The following BTN2A1 variants were observed in gnomAD, a reference collection of about 807,000 sequenced individuals.
BTN2A1 encodes the protein butyrophilin, subfamily 2, member A1.
Under a neutral mutation model 34.5 loss-of-function variants are expected in BTN2A1, and 41 were observed. That is an observed-to-expected ratio of 1.19 (90% confidence interval 0.93 to 1.54). The LOEUF is 1.54. Among genes scored for constraint, BTN2A1 ranks in the 40% most tolerant of loss-of-function variants. BTN2A1 has a pLI of 0.00. For synonymous variants in BTN2A1, 267 were observed against 258.6 expected (o/e 1.03, Z -0.31); for missense variants, 642 against 662.0 (o/e 0.97, Z 0.33).
Position 26,468,267 on chromosome 6 carries a change from G to A in BTN2A1, c.1302G>A (p.Val434=), listed in dbSNP as rs1763375867. The change falls in exon 8 of 8, where the codon GTG becomes GTA. Residue 434 remains valine, a synonymous_variant. Transcript: ENST00000312541. ...TGCATAAAGGGCAATACCGGGCCGTGTCCTCCCCTGATAGGATTCTCCCTT... is the reference window on the plus strand; with the variant it reads ...TGCATAAAGGGCAATACCGGGCCGTATCCTCCCCTGATAGGATTCTCCCTT... ...LEMHKGQYRA[V]SSPDRILPLK... 1.2e-6 allele frequency: 2 copies of A among 1,614,220 alleles called. No individual in the cohort carries two copies. The highest frequency in any genetic ancestry group is 1.7e-6 in the Non-Finnish European group (2 of 1,180,046).
chr6:26,458,191 TG>T (rs1287529603), intron 1 of BTN2A1, 49 bp downstream of exon 1: 4 of 170,882 alleles, frequency 2.3e-5, no homozygotes, highest in Admixed American at 1.8e-4. Flanking sequence ...GCACAGTAGG[TG>T]GGGGAAGCGG....
At chr6:26,467,814 C>T in intron 7 of BTN2A1, 134 bp from the exon 8 acceptor site, 2 of 1,558,204 alleles carry the variant, frequency 1.3e-6, no homozygotes, top group Non-Finnish European at 1.7e-6. Context: ...TGCCTAGGAT[C>T]AGAGAGCCTT....
At chr6:26,461,907 G>A (rs1363940821) in intron 3 of BTN2A1, among the ~76,000 whole-genome samples, 1 of 152,140 alleles carries the variant, frequency 6.6e-6, no homozygotes, top group Non-Finnish European at 1.5e-5. Context: ...TGTAGTCTCA[G>A]CTACTTGGGA....
Position 26,465,249 on chromosome 6 carries a change from G to A in BTN2A1, c.777G>A (p.Met259Ile). The A allele has an allele frequency of 6.2e-7, 1 of 1,614,062 alleles. No individual in the cohort carries two copies. Among genetic ancestry groups the A allele is most frequent in the Non-Finnish European group, 8.5e-7 (1 of 1,179,980 alleles). The change falls in exon 5 of 8, where the codon ATG (methionine) becomes ATA (isoleucine). Residue 259 changes from methionine to isoleucine, a missense_variant. By Grantham distance (10) the Met-to-Ile change is conservative (BLOSUM62 1). Transcript: ENST00000312541. The part of the protein sequence containing the change: ...VALPIIVVIL[M>I]IPIAVCIYWI... Reference sequence around the variant, plus strand: ...TGCCTATCATTGTGGTTATTCTGATGATACCCATTGCCGTATGCATCTATT... The same window carrying A: ...TGCCTATCATTGTGGTTATTCTGATAATACCCATTGCCGTATGCATCTATT...
downstream of BTN2A1, among the ~76,000 whole-genome samples, chr6:26,473,282 G>C (rs1297634314): frequency 6.6e-6 from 1 of 152,110 alleles, no homozygotes; most frequent in Non-Finnish European, 1.5e-5. Flanking sequence ...CTACCCAAAG[G>C]TTAACCTTAG....
downstream of BTN2A1, among the ~76,000 whole-genome samples, chr6:26,471,225 T>G (rs1353633051): frequency 6.6e-6 from 1 of 152,250 alleles, no homozygotes; most frequent in African/African-American, 2.4e-5. Context: ...TGTTTTAGTC[T>G]GCCCAGACAG....
chr6:26,458,573 A>T, intron 1 of BTN2A1, 34 bp from the exon 2 acceptor site: 4 of 1,580,364 alleles, frequency 2.5e-6, no homozygotes, highest in Non-Finnish European at 3.5e-6. Context: ...TGAGGTGCCA[A>T]GACTCCTAGG....
At chr6:26,475,020 C>G (rs1763515179) in intron 7 of BTN2A1, among the ~76,000 whole-genome samples, 1 of 152,186 alleles carries the variant, frequency 6.6e-6, no homozygotes, top group South Asian at 2.1e-4. Context: ...ACCTTGGCCT[C>G]CCAAAGTGCT....
At chr6:26,471,663 A>AAAGG (rs71745841), downstream of BTN2A1, among the ~76,000 whole-genome samples, 1,356 of 151,608 alleles carry the variant, frequency 8.9e-3, 17 homozygotes, top group Middle Eastern at 0.034. Context: ...GGAAGGAAGG[A>AAAGG]AAGGAAGGAA....
rs752221487 is a variant in BTN2A1 at position 26,459,848 on chromosome 6, TTTG to T, written c.430+23_430+25del. 1.4e-5 allele frequency: 23 copies of T among 1,598,394 alleles called. 1 individual carries two copies. The highest frequency in any genetic ancestry group is 1.3e-4 in the South Asian group (12 of 89,306). ...TGGCAGGTGCGTCGCTTCATTTTGC[TTTG>T]TTACTTTGGCACAGTGTGACTTTGG... On this transcript the variant is annotated intron_variant, in intron 3 of 7. Transcript: ENST00000312541.
intron 2 of BTN2A1, 36 bp downstream of exon 2, chr6:26,458,754 A>G (rs568723410): frequency 1.2e-5 from 20 of 1,605,648 alleles, no homozygotes; most frequent in East Asian, 2.2e-5. Context: ...GTCACCTATC[A>G]GAAAGGAACA....
chr6:26,467,208 G>A (rs552506968), intron 7 of BTN2A1, among the ~76,000 whole-genome samples: 5 of 152,140 alleles, frequency 3.3e-5, no homozygotes, highest in East Asian at 1.9e-4. Context: ...TTGATCCACC[G>A]GGGAGAGGAG....
At chr6:26,469,764 A>G (rs1331300609), downstream of BTN2A1, 1 of 152,190 alleles carries the variant, frequency 6.6e-6, no homozygotes, top group African/African-American at 2.4e-5. Context: ...ACTTTATCCT[A>G]GTGACAGAAT....
chr6:26,472,405 C>G (rs1312666979), downstream of BTN2A1, among the ~76,000 whole-genome samples: 2 of 152,172 alleles, frequency 1.3e-5, no homozygotes, highest in Non-Finnish European at 2.9e-5. Flanking sequence ...ATTGAACAAG[C>G]AGCCAGCCAA....
intron 7 of BTN2A1, among the ~76,000 whole-genome samples, chr6:26,474,697 A>G (rs1328650041): frequency 1.3e-5 from 2 of 152,010 alleles, no homozygotes; most frequent in Non-Finnish European, 2.9e-5. Context: ...ACCTGAATAG[A>G]GAAACCTTCC....
downstream of BTN2A1, among the ~76,000 whole-genome samples, chr6:26,469,831 C>T (rs1253310370): frequency 6.6e-6 from 1 of 152,086 alleles, no homozygotes; most frequent in African/African-American, 2.4e-5. Context: ...GATTATTAAC[C>T]TTGCAGGCCC....
intron 2 of BTN2A1, among the ~76,000 whole-genome samples, 174 bp downstream of exon 2, chr6:26,458,892 C>T (rs1351469595): frequency 1.3e-5 from 2 of 152,158 alleles, no homozygotes; most frequent in East Asian, 3.9e-4. Context: ...GGCACAAAGG[C>T]CGAGTGCATG....
In BTN2A1 at chr6:26,459,731, C is replaced by T; in HGVS notation, c.333C>T (p.Val111=). The change falls in exon 3 of 8, where the codon GTC becomes GTT. Residue 111 remains valine (V), a synonymous_variant. Coordinates refer to ENST00000312541, the MANE Select transcript of BTN2A1 (RefSeq NM_007049.5). Reference sequence around the variant, plus strand: ...TCAGCAGGGGCAGCGTGGCCCTGGTCATACACAACATCACAGCCCAGGAAA... The same window carrying T: ...TCAGCAGGGGCAGCGTGGCCCTGGTTATACACAACATCACAGCCCAGGAAA... The part of the protein sequence containing the change: ...KDISRGSVAL[V]IHNITAQENG... 1 of 1,614,162 alleles carries T rather than the reference C, an allele frequency of 6.2e-7. No individual in the cohort carries two copies. Among genetic ancestry groups the T allele is most frequent in the Non-Finnish European group, 8.5e-7 (1 of 1,180,008 alleles).
chr6:26,468,716 C>T lies in BTN2A1; in HGVS notation c.*167C>T, dbSNP rs758734283. ...CTACAGACCTCAGCCCCAGTTTTCT[C>T]CTCCTCACTAGGCTGTGTTTTTAGT... On this transcript the variant is annotated 3_prime_UTR_variant, in exon 8 of 8. Transcript: ENST00000312541. The T allele has an allele frequency of 1.1e-5, 17 of 1,612,788 alleles. No homozygotes were observed. The highest frequency in any genetic ancestry group is 3.3e-5 in the Admixed American group (2 of 59,980).
Sources: gnomAD v4.1 joint callset for allele counts (sites outside exome capture counted in the v4.1 genomes callset) on GRCh38, gnomAD v4.1.1 for gene constraint, MANE v1.5 for transcripts, NCBI Gene and HGNC (gene_info 2026-07-23, HGNC 2026-07-21) for gene names.